Variants in SLC49A4 observed in about 807,000 individuals in gnomAD.
SLC49A4 encodes the protein solute carrier family 49 member 4.
In SLC49A4, 36 loss-of-function variants were observed where a neutral mutation model predicts 50.6. The ratio of observed to expected loss-of-function variants is 0.71; its 90% CI spans 0.55 to 0.94. The LOEUF is 0.94. Ranked by LOEUF, SLC49A4 falls within the 40% of genes least tolerant of loss-of-function variation. The probability of loss-of-function intolerance (pLI) is 0.00; values close to 1 mark genes in which losing one functional copy is unlikely to be tolerated. For missense variants in SLC49A4, 503 were observed against 605.7 expected, an observed-to-expected ratio of 0.83 and a Z score of 1.78; for synonymous variants, 248 against 241.2, an observed-to-expected ratio of 1.03 and a Z score of -0.26.
intron 2 of SLC49A4, among the ~76,000 whole-genome samples, chr3:122,821,083 C>T (rs1275283698): frequency 3.3e-5 from 5 of 152,216 alleles, no homozygotes; most frequent in Non-Finnish European, 5.9e-5. Flanking sequence ...ATTTCCCCTG[C>T]ACACACTGTC....
chr3:122,876,776 G>A (rs994440542), intron 8 of SLC49A4, among the ~76,000 whole-genome samples: 5 of 152,080 alleles, frequency 3.3e-5, no homozygotes, highest in African/African-American at 9.7e-5. Context: ...GAAAAAGTAA[G>A]AGGATGAGCA....
chr3:122,836,633 T>A (rs934610392), intron 4 of SLC49A4, among the ~76,000 whole-genome samples: 1 of 152,142 alleles, frequency 6.6e-6, no homozygotes, highest in African/African-American at 2.4e-5. Context: ...CCTAGGAGCA[T>A]TCCCTTTGAA....
At chr3:122,848,714 TGGG>T (rs59214810) in intron 5 of SLC49A4, among the ~76,000 whole-genome samples, 1 of 151,852 alleles carries the variant, frequency 6.6e-6, no homozygotes, top group Non-Finnish European at 1.5e-5. Flanking sequence ...TGTACATATT[TGGG>T]GGGGATATAT....
intron 4 of SLC49A4, 75 bp from the exon 5 acceptor site, chr3:122,845,688 C>T: frequency 2.1e-6 from 1 of 467,976 alleles, no homozygotes; most frequent in South Asian, 4.3e-5. Flanking sequence ...TTCCAAATGA[C>T]ATACATTTTT....
At chr3:122,872,375 C>A in intron 7 of SLC49A4, 40 bp from the exon 8 acceptor site, 1 of 1,526,624 alleles carries the variant, frequency 6.6e-7, no homozygotes, top group Non-Finnish European at 9.0e-7. Context: ...TGACTCACTG[C>A]CGCTAGTGTG....
intron 3 of SLC49A4, 55 bp from the exon 4 acceptor site, chr3:122,833,262 A>C (rs373935911): frequency 2.6e-5 from 41 of 1,554,762 alleles, no homozygotes; most frequent in East Asian, 9.1e-5. Flanking sequence ...AAATACTTGA[A>C]GTCTTCAACT....
At chr3:122,837,862 C>T (rs1936712111) in intron 4 of SLC49A4, among the ~76,000 whole-genome samples, 1 of 151,976 alleles carries the variant, frequency 6.6e-6, no homozygotes, top group Non-Finnish European at 1.5e-5. Flanking sequence ...AACAAATTTA[C>T]AAGAAAAAAA....
chr3:122,817,317 G>A (rs1349952212), intron 2 of SLC49A4, among the ~76,000 whole-genome samples: 2 of 152,144 alleles, frequency 1.3e-5, no homozygotes, highest in African/African-American at 4.8e-5. Flanking sequence ...CAACGAATGC[G>A]GGCGGCCACT....
At chr3:122,835,486 G>A (rs1479213084) in intron 4 of SLC49A4, among the ~76,000 whole-genome samples, 1 of 151,760 alleles carries the variant, frequency 6.6e-6, no homozygotes, top group Non-Finnish European at 1.5e-5. Context: ...TGTGATATAT[G>A]ACATAAACAG....
intron 7 of SLC49A4, 91 bp downstream of exon 7, chr3:122,860,293 G>A (rs1937045685): frequency 7.3e-6 from 9 of 1,239,678 alleles, no homozygotes; most frequent in South Asian, 4.9e-5. Flanking sequence ...CTTGCTTTCT[G>A]TAAGTAATTG....
At chr3:122,850,353 A>G (rs1936909754) in intron 5 of SLC49A4, among the ~76,000 whole-genome samples, 1 of 152,226 alleles carries the variant, frequency 6.6e-6, no homozygotes, top group Admixed American at 6.5e-5. Context: ...TTTGTCGCCA[A>G]AGTTGATATA....
intron 2 of SLC49A4, among the ~76,000 whole-genome samples, chr3:122,811,124 A>G (rs1936292108): frequency 6.6e-6 from 1 of 152,234 alleles, no homozygotes; most frequent in African/African-American, 2.4e-5. Context: ...ACTATAAAAC[A>G]AAGTCAAAAG....
rs765509836 is a variant in SLC49A4 at position 122,795,553 on chromosome 3, G to T, written c.343+18G>T. The stretch of plus-strand genomic sequence containing the variant: ...CAAGAGAGGTGAGGGGTCGCGGAGC[G>T]CCAGCCCGCGCTGTCTCTCCTCCGG... On this transcript the variant is annotated intron_variant, in intron 1 of 8. Coordinates refer to ENST00000261038, the MANE Select transcript of SLC49A4 (RefSeq NM_032839.3). The T allele has an allele frequency of 1.1e-5, 18 of 1,572,828 alleles. No homozygotes were observed. In the East Asian group the frequency reaches 4.0e-4, roughly 35 times the overall value.
intron 3 of SLC49A4, among the ~76,000 whole-genome samples, chr3:122,828,101 T>A (rs1311349298): frequency 1.3e-5 from 2 of 152,208 alleles, no homozygotes; most frequent in African/African-American, 4.8e-5. Context: ...AGGGACCCAA[T>A]TATACTGAAC....
At position 122,879,984 on chromosome 3, in the gene SLC49A4, C is replaced by T. The variant is rs997085631; in HGVS notation, c.*606C>T. The stretch of plus-strand genomic sequence containing the variant: ...ATGGTGATCAGGTGCTTTCCAGTGA[C>T]TTCTGAGCATAGGCACTGTGTCTCC... On this transcript the variant is annotated 3_prime_UTR_variant, in exon 9 of 9. Transcript: ENST00000261038. 1 of 152,656 alleles carries T rather than the reference C, an allele frequency of 6.6e-6. No homozygotes were observed. The highest frequency in any genetic ancestry group is 2.4e-5 in the African/African-American group (1 of 41,468). The allele number at this position is 152,656 out of a possible 1,614,324, so 9.5% of individuals were successfully genotyped here.
chr3:122,851,081 GT>G (rs1013025976), intron 5 of SLC49A4, among the ~76,000 whole-genome samples: 5 of 152,068 alleles, frequency 3.3e-5, no homozygotes, highest in African/African-American at 1.2e-4. Flanking sequence ...ATAATCTAAG[GT>G]TTTTAGAACC....
intron 1 of SLC49A4, 135 bp from the exon 2 acceptor site, chr3:122,806,722 C>A: frequency 4.1e-4 from 183 of 448,792 alleles, no homozygotes; most frequent in Non-Finnish European, 5.0e-4. Context: ...TTTTTTTTTT[C>A]CATTTTTAAA....
At chr3:122,807,073 AATTTAATTGAT>A in intron 2 of SLC49A4, 123 bp downstream of exon 2, 1 of 543,940 alleles carries the variant, frequency 1.8e-6, no homozygotes. Context: ...TATGATGATT[AATTTAATTGAT>A]ATTTATCAGT....
rs949903157 is a variant in SLC49A4, at chr3:122,795,077, G to C, written c.-116G>C. Reference sequence around the variant, plus strand: ...GCAGGCGCACCAGGCGCGGTCCGGAGGCCGAGGGCGACCACAGCAGCCTCC... The same window carrying C: ...GCAGGCGCACCAGGCGCGGTCCGGACGCCGAGGGCGACCACAGCAGCCTCC... On this transcript the variant is annotated 5_prime_UTR_variant, in exon 1 of 9. Coordinates refer to ENST00000261038, the MANE Select transcript of SLC49A4 (RefSeq NM_032839.3). 7.4e-5 allele frequency: 88 copies of C among 1,183,066 alleles called. No individual in the cohort carries two copies. The highest frequency in any genetic ancestry group is 3.2e-4 in the Middle Eastern group (1 of 3,094). The allele number at this position is 1,183,066 out of a possible 1,614,324, so 73.3% of individuals were successfully genotyped here. A position where few individuals can be genotyped will look rare whatever the true frequency, so the allele number is the denominator to read the frequency against.
Sources: gnomAD v4.1 joint callset for allele counts (sites outside exome capture counted in the v4.1 genomes callset) on GRCh38, gnomAD v4.1.1 for gene constraint, MANE v1.5 for transcripts, NCBI Gene and HGNC (gene_info 2026-07-23, HGNC 2026-07-21) for gene names.